Variants in PCDH9 observed in about 807,000 individuals in gnomAD.
PCDH9 encodes the protein protocadherin 9.
Under a neutral mutation model 70.6 loss-of-function variants are expected in PCDH9, and 24 were observed. The observed-to-expected ratio is 0.34, with a 90% CI of 0.25 to 0.48. The LOEUF (loss-of-function observed/expected upper bound fraction) is 0.48. Ranked by LOEUF, PCDH9 falls within the 20% of genes least tolerant of loss-of-function variation. The pLI, the probability that PCDH9 is intolerant of heterozygous loss-of-function variation, is 0.99. For synonymous variants in PCDH9, 562 were observed against 558.5 expected (o/e 1.01, Z -0.09); for missense variants, 1,281 against 1,503.6 (o/e 0.85, Z 2.45).
chr13:66,684,478 G>A (rs193260980), intron 3 of PCDH9, among the ~76,000 whole-genome samples: 5 of 152,244 alleles, frequency 3.3e-5, no homozygotes, highest in Non-Finnish European at 5.9e-5. Context: ...TGAATCATGG[G>A]GGCAGTTACC....
rs1593768978 is a variant in PCDH9 at position 66,303,300 on chromosome 13, T to A, written c.*1355A>T. The stretch of plus-strand genomic sequence containing the variant: ...TTTGCACGTGCAACTGAGATCTTAT[T>A]AACATTAGTTGTCACTTTATTGGTT... On this transcript the variant is annotated 3_prime_UTR_variant, in exon 5 of 5. Coordinates refer to ENST00000377865, the MANE Select transcript of PCDH9 (RefSeq NM_203487.3). The A allele has an allele frequency of 3.9e-5, 6 of 152,608 alleles. No individual in the cohort carries two copies. The Admixed American group carries it at 3.9e-4, about 10-fold the overall frequency. 9.5% of individuals were successfully genotyped at this position (152,608 alleles called of 1,614,324 possible).
intron 3 of PCDH9, among the ~76,000 whole-genome samples, chr13:66,636,424 A>G (rs1293919267): frequency 6.6e-6 from 1 of 152,066 alleles, no homozygotes; most frequent in East Asian, 1.9e-4. Context: ...AATCATCACA[A>G]TTAAAGATCC....
chr13:66,380,536 CTTTTTTTTTTTT>C (rs59830525), intron 4 of PCDH9, among the ~76,000 whole-genome samples: 1 of 53,358 alleles, frequency 1.9e-5, no homozygotes, highest in African/African-American at 6.3e-5. Flanking sequence ...AGATCTTGTC[CTTTTTTTTTTTT>C]TTTTTTTTTT....
intron 4 of PCDH9, among the ~76,000 whole-genome samples, chr13:66,518,718 G>A (rs1392554691): frequency 6.6e-6 from 1 of 152,122 alleles, no homozygotes; most frequent in Non-Finnish European, 1.5e-5. Flanking sequence ...AAATACATGT[G>A]GGGTGGTGGT....
intron 2 of PCDH9, among the ~76,000 whole-genome samples, chr13:67,164,846 T>G (rs2088066125): frequency 6.6e-6 from 1 of 152,182 alleles, no homozygotes; most frequent in African/African-American, 2.4e-5. Context: ...AACTTCTGCA[T>G]CCCTCCTCTT....
intron 2 of PCDH9, among the ~76,000 whole-genome samples, chr13:67,058,741 A>G (rs2085472947): frequency 6.6e-6 from 1 of 152,182 alleles, no homozygotes; most frequent in South Asian, 2.1e-4. Context: ...CTCATACGTT[A>G]GCACATCTTT....
chr13:66,943,214 G>A (rs2083034243), intron 2 of PCDH9, among the ~76,000 whole-genome samples: 2 of 151,828 alleles, frequency 1.3e-5, no homozygotes, highest in Admixed American at 1.3e-4. Context: ...ATATTACAAT[G>A]GTTTGCAATA....
intron 4 of PCDH9, among the ~76,000 whole-genome samples, chr13:66,345,766 T>C (rs1318655927): frequency 2.6e-5 from 4 of 152,116 alleles, no homozygotes; most frequent in African/African-American, 9.7e-5. Flanking sequence ...TCAGGTGTCT[T>C]GAAGCGTACC....
intron 4 of PCDH9, among the ~76,000 whole-genome samples, chr13:66,305,816 CA>C (rs1955454980): frequency 6.6e-6 from 1 of 152,036 alleles, no homozygotes; most frequent in Non-Finnish European, 1.5e-5. Context: ...GTCTAACATT[CA>C]GGGGGAAGAA....
Position 66,700,922 on chromosome 13 carries a change from A to ATGTGT in PCDH9, c.3139-69512_3139-69511insACACA, listed in dbSNP as rs1566514236. Among the ~76,000 whole-genome samples, 278 of 46,938 alleles carry ATGTGT rather than the reference A, an allele frequency of 5.9e-3. 36 individuals carry two copies. Among genetic ancestry groups the ATGTGT allele is most frequent in the Admixed American group, 0.013 (48 of 3,624 alleles). 30.8% of individuals were successfully genotyped at this position (46,938 alleles called of 152,430 possible). A position where few individuals can be genotyped will look rare whatever the true frequency, so the allele number is the denominator to read the frequency against. On this transcript the variant is annotated intron_variant, in intron 3 of 4. Transcript: ENST00000377865. ...TATGAAAATATATGTGTGTACATATAAATATATATATATATATATATATAT... is the reference window on the plus strand; with the variant it reads ...TATGAAAATATATGTGTGTACATATATGTGTAATATATATATATATATATATATAT...
intron 2 of PCDH9, among the ~76,000 whole-genome samples, chr13:67,116,453 G>A (rs2086777017): frequency 6.6e-6 from 1 of 151,988 alleles, no homozygotes. Flanking sequence ...AGGAGGAGGA[G>A]GAAAAAGTTT....
At chr13:66,704,464 A>C (rs905398174) in intron 3 of PCDH9, among the ~76,000 whole-genome samples, 1 of 152,184 alleles carries the variant, frequency 6.6e-6, no homozygotes, top group Non-Finnish European at 1.5e-5. Flanking sequence ...TCTAAATAAA[A>C]GCAAATTTAG....
At chr13:66,640,289 A>T (rs2077692239) in intron 3 of PCDH9, among the ~76,000 whole-genome samples, 1 of 152,204 alleles carries the variant, frequency 6.6e-6, no homozygotes, top group African/African-American at 2.4e-5. Flanking sequence ...TTCAGTGTCT[A>T]CTACTCAAGA....
At chr13:67,042,893 C>T (rs2085149964) in intron 2 of PCDH9, among the ~76,000 whole-genome samples, 1 of 151,600 alleles carries the variant, frequency 6.6e-6, no homozygotes, top group Non-Finnish European at 1.5e-5. Context: ...TTAGAAATTA[C>T]ATAAAAGGTA....
At position 66,379,354 on chromosome 13, in the gene PCDH9, A is replaced by AC. The variant is rs1225634023; in HGVS notation, c.3341-74327_3341-74326insG. Among the ~76,000 whole-genome samples the AC allele has an allele frequency of 2.0e-5, 3 of 152,180 alleles. No individual in the cohort carries two copies. In the East Asian group the frequency reaches 5.8e-4, roughly 29 times the overall value. On this transcript the variant is annotated intron_variant, in intron 4 of 4. Coordinates refer to ENST00000377865, the MANE Select transcript of PCDH9 (RefSeq NM_203487.3). ...ACAAATTTTTATTGATATTGCAAGG[A>AC]ATGTGTTACTAATATTAAAATTAAA...
At chr13:66,482,572 A>G (rs11843529) in intron 4 of PCDH9, among the ~76,000 whole-genome samples, 8 of 152,236 alleles carry the variant, frequency 5.3e-5, no homozygotes, top group Non-Finnish European at 7.3e-5. Flanking sequence ...GATGCTGAAC[A>G]TACTGCTACC....
intron 3 of PCDH9, among the ~76,000 whole-genome samples, chr13:66,718,490 A>G (rs1778768748): frequency 2.0e-5 from 3 of 152,228 alleles, no homozygotes; most frequent in Non-Finnish European, 4.4e-5. Context: ...GCTGAAAAAA[A>G]ATGAATCCAT....
At chr13:66,720,408 C>G (rs889792563) in intron 3 of PCDH9, among the ~76,000 whole-genome samples, 2 of 151,312 alleles carry the variant, frequency 1.3e-5, no homozygotes, top group Admixed American at 1.3e-4. Context: ...GGTGATCCAC[C>G]TGCCTCGGCC....
chr13:66,584,833 G>A (rs1226802649), intron 4 of PCDH9, among the ~76,000 whole-genome samples: 1 of 152,050 alleles, frequency 6.6e-6, no homozygotes, highest in Non-Finnish European at 1.5e-5. Flanking sequence ...GTGCTAAGAA[G>A]CACCTATCTT....
Sources: gnomAD v4.1 joint callset for allele counts (sites outside exome capture counted in the v4.1 genomes callset) on GRCh38, gnomAD v4.1.1 for gene constraint, MANE v1.5 for transcripts, NCBI Gene and HGNC (gene_info 2026-07-23, HGNC 2026-07-21) for gene names.